The following CFAP221 variants were observed in gnomAD, a reference collection of about 807,000 sequenced individuals.
The protein encoded by CFAP221 is cilia and flagella associated protein 221.
In CFAP221, 97 loss-of-function variants were observed where a neutral mutation model predicts 113.1. The observed-to-expected ratio is 0.86, with a 90% CI of 0.73 to 1.02. The LOEUF is 1.02. Among genes scored for constraint, CFAP221 ranks in the 50% least tolerant of loss-of-function variants. CFAP221 has a pLI of 0.00. For missense variants in CFAP221, 1,025 were observed against 1,013.4 expected (o/e 1.01, Z -0.16); for synonymous variants, 331 against 354.4 (o/e 0.93, Z 0.74).
At chr2:119,583,835 G>A (rs933112878) in intron 6 of CFAP221, among the ~76,000 whole-genome samples, 3 of 152,182 alleles carry the variant, frequency 2.0e-5, no homozygotes, top group Admixed American at 6.5e-5. Flanking sequence ...TCCATTATGC[G>A]AAGACACAGT....
At chr2:119,549,787 A>C (rs191916639) in intron 3 of CFAP221, among the ~76,000 whole-genome samples, 4 of 152,214 alleles carry the variant, frequency 2.6e-5, no homozygotes, top group Non-Finnish European at 5.9e-5. Flanking sequence ...GGCAGGGGTC[A>C]GCCCCACTGA....
rs957702409 is a variant in CFAP221, at chr2:119,587,317, T to C, written c.631+95T>C. 3 of 774,440 alleles carry C rather than the reference T, an allele frequency of 3.9e-6. No homozygotes were observed. In the African/African-American group the frequency reaches 5.4e-5, roughly 14 times the overall value. 48.0% of individuals were successfully genotyped at this position (774,440 alleles called of 1,614,324 possible). On this transcript the variant is annotated intron_variant, in intron 7 of 23. Transcript: ENST00000413369. ...ACATATCAGTGATGAATTTTACACA[T>C]AACTGACCTGATGTAAAATGGAATT...
intron 22 of CFAP221, among the ~76,000 whole-genome samples, chr2:119,650,000 TAACTC>T (rs1688032626): frequency 6.6e-6 from 1 of 152,186 alleles, no homozygotes; most frequent in Non-Finnish European, 1.5e-5. Context: ...GAAATTCTGA[TAACTC>T]AAGCACTGAT....
intron 7 of CFAP221, among the ~76,000 whole-genome samples, chr2:119,595,705 C>A (rs1158993419): frequency 2.6e-5 from 4 of 152,070 alleles, no homozygotes; most frequent in Non-Finnish European, 5.9e-5. Flanking sequence ...TCGGGGGAGA[C>A]AGGCAGGCCT....
chr2:119,647,435 A>G lies in CFAP221; in HGVS notation c.2318+385A>G, dbSNP rs975075702. Among the ~76,000 whole-genome samples the G allele has an allele frequency of 2.0e-5, 3 of 152,234 alleles. No homozygotes were observed. In the South Asian group the frequency reaches 6.2e-4, roughly 32 times the overall value. On this transcript the variant is annotated intron_variant, in intron 22 of 23. Coordinates refer to ENST00000413369, the MANE Select transcript of CFAP221 (RefSeq NM_001271049.2). ...GCACTTACATTTGATTTTACTGATC[A>G]GCACGCAACAGCCAGTGAAATGGTT...
intron 15 of CFAP221, 131 bp from the exon 16 acceptor site, chr2:119,627,522 T>G (rs1205534167): frequency 1.6e-3 from 1 of 630 alleles, no homozygotes; most frequent in African/African-American, 2.2e-3. Flanking sequence ...AAAGTGGATA[T>G]ATATATATAT....
rs1684645252 is a variant in CFAP221 at position 119,605,104 on chromosome 2, A to G, written c.1025-77A>G. 10 of 1,473,664 alleles carry G rather than the reference A, an allele frequency of 6.8e-6. No individual in the cohort carries two copies. The South Asian group carries it at 8.1e-5, about 12-fold the overall frequency. The allele number at this position is 1,473,664 out of a possible 1,614,324, so 91.3% of individuals were successfully genotyped here. On this transcript the variant is annotated intron_variant, in intron 10 of 23. Coordinates refer to ENST00000413369, the MANE Select transcript of CFAP221 (RefSeq NM_001271049.2). ...AGTTAGATTGCTGTTATGCCTCGCCATTAGAAATGTGTTTTTCTCTCCGCA... is the reference window on the plus strand; with the variant it reads ...AGTTAGATTGCTGTTATGCCTCGCCGTTAGAAATGTGTTTTTCTCTCCGCA...
chr2:119,560,059 T>C (rs1221830691), intron 5 of CFAP221, 33 bp downstream of exon 5: 8 of 1,429,734 alleles, frequency 5.6e-6, no homozygotes, highest in Non-Finnish European at 7.5e-6. Flanking sequence ...TTTTTTTTTT[T>C]TTTTTTGATG....
downstream of CFAP221, among the ~76,000 whole-genome samples, chr2:119,657,309 TACTC>T (rs1688477853): frequency 1.3e-5 from 2 of 152,306 alleles, no homozygotes; most frequent in South Asian, 4.1e-4. Flanking sequence ...GTCCTGCTCT[TACTC>T]ACTATGTGGC....
intron 19 of CFAP221, among the ~76,000 whole-genome samples, chr2:119,632,405 T>A (rs1456232453): frequency 6.6e-6 from 1 of 152,046 alleles, no homozygotes; most frequent in African/African-American, 2.4e-5. Flanking sequence ...AGGAAAAACA[T>A]CTCAATAGTA....
intron 12 of CFAP221, 58 bp downstream of exon 12, chr2:119,608,647 C>A: frequency 6.9e-7 from 1 of 1,444,426 alleles, no homozygotes; most frequent in Non-Finnish European, 9.7e-7. Context: ...TAAATTCCTA[C>A]TATATGCAAG....
At chr2:119,557,649 ACT>A (rs1451205974) in intron 3 of CFAP221, among the ~76,000 whole-genome samples, 3 of 152,038 alleles carry the variant, frequency 2.0e-5, no homozygotes, top group Admixed American at 1.3e-4. Flanking sequence ...TAATTGAAAC[ACT>A]CTGATGGCTG....
intron 15 of CFAP221, 84 bp from the exon 16 acceptor site, chr2:119,627,569 A>G: frequency 5.9e-6 from 8 of 1,360,044 alleles, no homozygotes; most frequent in South Asian, 1.3e-5. Context: ...TAATTGGTAT[A>G]TGGAAAATAT....
At chr2:119,596,746 T>C (rs944123301) in intron 7 of CFAP221, among the ~76,000 whole-genome samples, 1 of 152,256 alleles carries the variant, frequency 6.6e-6, no homozygotes, top group African/African-American at 2.4e-5. Context: ...CTTCATCTGC[T>C]ATGGCTGAGC....
chr2:119,563,649 C>T (rs1241112701), intron 6 of CFAP221, among the ~76,000 whole-genome samples: 3 of 152,154 alleles, frequency 2.0e-5, no homozygotes, highest in South Asian at 2.1e-4. Flanking sequence ...ATACAGTATT[C>T]ACTCTGATTG....
At chr2:119,601,415 C>A in intron 8 of CFAP221, 38 bp downstream of exon 8, 1 of 1,449,976 alleles carries the variant, frequency 6.9e-7, no homozygotes, top group Non-Finnish European at 9.1e-7. Flanking sequence ...TATTTTTAAC[C>A]CTTTTTTGAA....
chr2:119,621,000 G>A (rs909192307), intron 14 of CFAP221, among the ~76,000 whole-genome samples: 2 of 151,918 alleles, frequency 1.3e-5, no homozygotes, highest in South Asian at 2.1e-4. Context: ...CAAGGCAGGC[G>A]GATCACCTCA....
At chr2:119,619,819 A>T (rs1574151359) in intron 14 of CFAP221, among the ~76,000 whole-genome samples, 1 of 152,214 alleles carries the variant, frequency 6.6e-6, no homozygotes, top group Non-Finnish European at 1.5e-5. Flanking sequence ...TACCAACCCA[A>T]TGAAAGAAAG....
At chr2:119,572,498 T>C in intron 6 of CFAP221, 1 of 675,570 alleles carries the variant, frequency 1.5e-6, no homozygotes, top group Non-Finnish European at 2.7e-6. Context: ...TCCATTCCCA[T>C]GGTTCTAAAA....
Sources: gnomAD v4.1 joint callset for allele counts (sites outside exome capture counted in the v4.1 genomes callset) on GRCh38, gnomAD v4.1.1 for gene constraint, MANE v1.5 for transcripts, NCBI Gene and HGNC (gene_info 2026-07-23, HGNC 2026-07-21) for gene names.